GALNS: variants seen among roughly 807,000 people sequenced by gnomAD.
GALNS encodes the protein N-acetylgalactosamine-6-sulfatase.
GALNS carries 65 observed loss-of-function variants against 65.9 expected under a neutral mutation model. That is an observed-to-expected ratio of 0.99 (90% CI 0.81 to 1.21). The LOEUF is 1.21. GALNS is among the 50% of genes most tolerant of loss of function. GALNS has a pLI of 0.00. For missense variants in GALNS, 776 were observed against 700.7 expected (o/e 1.11, Z -1.21); for synonymous variants, 346 against 288.9 (o/e 1.20, Z -2.00).
chr16:88,835,802 G>T lies in GALNS; in HGVS notation c.681C>A (p.Phe227Leu). The change falls in exon 7 of 14, where the codon TTC (phenylalanine) becomes TTA (leucine). Residue 227 changes from phenylalanine to leucine, a missense_variant. Transcript: ENST00000268695. ...IKRQARHHPF[F>L]LYWAVDATHA... ...GCGTGGCGTCGACAGCCCAGTAGAG[G>T]AAAAAGGGGTGGTGCCGTGCCTGTC... The T allele has an allele frequency of 6.2e-7, 1 of 1,614,062 alleles. No homozygotes were observed.
rs548706996 is a variant in GALNS at position 88,818,087 on chromosome 16, T to C, written c.1402A>G (p.Ile468Val). The part of the protein sequence containing the change: ...SAEYQEALSR[I>V]TSVVQQHQEA... ...TGGTGCTGCTGGACGACCGAGGTGATCCTGCTGAGGGCCTCCTGGTACTCG... is the reference window on the plus strand; with the variant it reads ...TGGTGCTGCTGGACGACCGAGGTGACCCTGCTGAGGGCCTCCTGGTACTCG... Residue 468 changes from isoleucine to valine, a missense_variant, in exon 13 of 14, where the codon ATC becomes GTC. By Grantham distance (29) the Ile-to-Val change is conservative. Transcript: ENST00000268695. The C allele has an allele frequency of 2.5e-6, 4 of 1,573,766 alleles. No individual in the cohort carries two copies. In the African/African-American group the frequency reaches 5.4e-5, roughly 21 times the overall value.
chr16:88,831,800 G>A (rs1383697371), intron 9 of GALNS, among the ~76,000 whole-genome samples, 198 bp downstream of exon 9: 2 of 137,606 alleles, frequency 1.5e-5, no homozygotes, highest in East Asian at 4.5e-4. Context: ...CGGTGAGGCC[G>A]AGCACGGGGA....
chr16:88,852,304 A>G (rs916108066), intron 1 of GALNS, among the ~76,000 whole-genome samples: 1 of 152,236 alleles, frequency 6.6e-6, no homozygotes, highest in Admixed American at 6.5e-5. Flanking sequence ...GACTCTTATA[A>G]GGAAAATTAA....
chr16:88,851,543 A>G (rs1032710776), intron 1 of GALNS, among the ~76,000 whole-genome samples: 7 of 152,180 alleles, frequency 4.6e-5, no homozygotes, highest in Non-Finnish European at 7.3e-5. Context: ...GGTGAGCCGA[A>G]GCAGGGTGGG....
intron 1 of GALNS, among the ~76,000 whole-genome samples, chr16:88,849,703 T>A (rs1401418098): frequency 6.6e-6 from 1 of 152,074 alleles, no homozygotes; most frequent in South Asian, 2.1e-4. Flanking sequence ...AGATCCCAGG[T>A]GTGAGCCACC....
At chr16:88,819,464 G>A (rs760780591) in intron 12 of GALNS, among the ~76,000 whole-genome samples, 45 of 152,242 alleles carry the variant, frequency 3.0e-4, no homozygotes, top group Admixed American at 6.5e-4. Flanking sequence ...GAGAACTGGC[G>A]TGAACTGCAC....
intron 1 of GALNS, chr16:88,855,478 A>C: frequency 2.8e-6 from 2 of 702,814 alleles, no homozygotes; most frequent in Non-Finnish European, 5.2e-6. Flanking sequence ...TGCTGTCAGG[A>C]CACGGACCCC....
intron 11 of GALNS, among the ~76,000 whole-genome samples, chr16:88,824,230 C>G (rs527549046): frequency 1.3e-5 from 2 of 151,980 alleles, no homozygotes; most frequent in Non-Finnish European, 2.9e-5. Flanking sequence ...CAGAAAAGAC[C>G]GTGGGGAGGG....
At position 88,814,505 on chromosome 16, in the gene GALNS, A is replaced by T. The variant is rs1272956511; in HGVS notation, c.1503T>A (p.Cys501Ter). ...WAVMNWAPPG[C>*]EKLGKCLTPP... ...GTGTCAGACACTTCCCTAACTTTTC[A>T]CAGCCCGGAGGTGCCCAGTTCTGGG... The change falls in exon 14 of 14, where the codon TGT (cysteine) becomes TGA (stop). Residue 501 changes from cysteine (C) to a stop codon, truncating the protein, a stop_gained. Coordinates refer to ENST00000268695, the MANE Select transcript of GALNS (RefSeq NM_000512.5). LOFTEE classifies it high-confidence loss of function. The T allele has an allele frequency of 6.4e-7, 1 of 1,559,008 alleles. No homozygotes were observed. The highest frequency in any genetic ancestry group is 1.9e-5 in the Admixed American group (1 of 51,808).
At chr16:88,821,992 AC>A (rs1026249247) in intron 12 of GALNS, among the ~76,000 whole-genome samples, 1 of 151,554 alleles carries the variant, frequency 6.6e-6, no homozygotes, top group African/African-American at 2.4e-5. Flanking sequence ...ATGGGTTCGG[AC>A]AAAAAAAAAG....
At chr16:88,817,802 T>C (rs774560526) in intron 13 of GALNS, among the ~76,000 whole-genome samples, 7 of 152,116 alleles carry the variant, frequency 4.6e-5, no homozygotes, top group Non-Finnish European at 1.0e-4. Context: ...TGGTGCAGCG[T>C]TGTTCTGGTC....
chr16:88,839,743 C>T (rs1239031769), intron 4 of GALNS, among the ~76,000 whole-genome samples: 1 of 152,232 alleles, frequency 6.6e-6, no homozygotes, highest in Non-Finnish European at 1.5e-5. Context: ...CTGGCTCCTG[C>T]TCCCACTCCT....
In GALNS at chr16:88,834,597, A is replaced by C. The variant is rs573403714; in HGVS notation, c.898+616T>G. On this transcript the variant is annotated intron_variant, in intron 8 of 13. Coordinates refer to ENST00000268695, the MANE Select transcript of GALNS (RefSeq NM_000512.5). ...TCAGCGTGGTCTGGGAAGAGGCTGT[A>C]GGGCCCCCCCCGTGTGGTCTGGGAA... 6.8e-3 allele frequency among the ~76,000 whole-genome samples: 541 copies of C among 79,732 alleles called. 8 individuals carry two copies. The highest frequency in any genetic ancestry group is 0.021 in the African/African-American group (514 of 24,602). The allele number at this position is 79,732 out of a possible 152,430, so 52.3% of individuals were successfully genotyped here.
At chr16:88,843,150 T>C in intron 1 of GALNS, 3 of 1,416,688 alleles carry the variant, frequency 2.1e-6, no homozygotes, top group Non-Finnish European at 2.8e-6. Flanking sequence ...CCTCCCAGCC[T>C]GACACCAGCA....
intron 13 of GALNS, chr16:88,816,935 A>G: frequency 1.0e-6 from 1 of 985,278 alleles, no homozygotes; most frequent in Non-Finnish European, 1.2e-6. Context: ...GCGACGGCCC[A>G]GGGGCCTCGA....
intron 1 of GALNS, chr16:88,855,036 G>A (rs550722708): frequency 7.7e-4 from 287 of 372,302 alleles, no homozygotes; most frequent in Non-Finnish European, 1.3e-3. Flanking sequence ...TGCACGGCCT[G>A]AACCCTTGCT....
chr16:88,833,636 G>C (rs1322032340), intron 8 of GALNS, among the ~76,000 whole-genome samples: 4 of 151,926 alleles, frequency 2.6e-5, no homozygotes, highest in African/African-American at 9.7e-5. Flanking sequence ...TTTTTCAGTA[G>C]AGATGGGGTT....
intron 1 of GALNS, among the ~76,000 whole-genome samples, chr16:88,854,194 C>T (rs1015540700): frequency 3.3e-5 from 5 of 152,228 alleles, no homozygotes; most frequent in Admixed American, 6.5e-5. Flanking sequence ...TGTGGGTCAT[C>T]AAGCCATCCC....
At chr16:88,844,653 A>T (rs560599391) in intron 1 of GALNS, 1 of 152,330 alleles carries the variant, frequency 6.6e-6, no homozygotes, top group Non-Finnish European at 1.5e-5. Context: ...CAAACACACA[A>T]CACCTGGGAA....
Sources: allele counts gnomAD v4.1 joint callset (sites outside exome capture counted in the v4.1 genomes callset), GRCh38; gene constraint gnomAD v4.1.1; transcripts MANE v1.5; gene names NCBI Gene and HGNC (gene_info 2026-07-23, HGNC 2026-07-21).